The following PDSS2 variants were observed in gnomAD, a reference collection of about 807,000 sequenced individuals.
PDSS2 encodes the protein all trans-polyprenyl-diphosphate synthase PDSS2.
In PDSS2, 31 loss-of-function variants were observed where a neutral mutation model predicts 44.5. The observed-to-expected ratio is 0.70, with a 90% CI of 0.52 to 0.94. The LOEUF is 0.94. PDSS2 is among the 40% of genes least tolerant of loss of function. The pLI is 0.00. For missense variants in PDSS2, 452 were observed against 482.2 expected (o/e 0.94, Z 0.59); for synonymous variants, 157 against 180.3 (o/e 0.87, Z 1.03).
At chr6:107,317,717 A>G (rs1287564539) in intron 2 of PDSS2, among the ~76,000 whole-genome samples, 1 of 152,192 alleles carries the variant, frequency 6.6e-6, no homozygotes, top group Non-Finnish European at 1.5e-5. Flanking sequence ...TAACAATAAC[A>G]TGCAGATCAC....
intron 1 of PDSS2, among the ~76,000 whole-genome samples, chr6:107,447,872 T>C (rs893138782): frequency 2.0e-5 from 3 of 152,226 alleles, no homozygotes; most frequent in Non-Finnish European, 4.4e-5. Flanking sequence ...TGCCTGGACA[T>C]CCAGGAATTT....
intron 1 of PDSS2, among the ~76,000 whole-genome samples, chr6:107,417,778 T>TA (rs1780708084): frequency 6.8e-6 from 1 of 146,948 alleles, no homozygotes; most frequent in Admixed American, 6.8e-5. Context: ...TTAATAATAA[T>TA]ACACACACAC....
chr6:107,418,786 A>T (rs1780740463), intron 1 of PDSS2, among the ~76,000 whole-genome samples: 1 of 152,094 alleles, frequency 6.6e-6, no homozygotes, highest in Admixed American at 6.5e-5. Flanking sequence ...AAACAAACAA[A>T]CAAACAACAA....
intron 1 of PDSS2, among the ~76,000 whole-genome samples, chr6:107,415,111 A>T (rs1258141690): frequency 6.6e-6 from 1 of 152,146 alleles, no homozygotes. Flanking sequence ...AGGAATCTCC[A>T]ATGGAAGTAA....
At chr6:107,405,199 G>A (rs990434344) in intron 1 of PDSS2, among the ~76,000 whole-genome samples, 1 of 151,804 alleles carries the variant, frequency 6.6e-6, no homozygotes, top group Non-Finnish European at 1.5e-5. Context: ...AATTTCATAA[G>A]TGAAGGAGAA....
intron 1 of PDSS2, among the ~76,000 whole-genome samples, chr6:107,357,746 G>C (rs1046001492): frequency 1.3e-5 from 2 of 151,990 alleles, no homozygotes. Flanking sequence ...ATTTTTTACT[G>C]TTTCATCTAT....
rs1467113044 is a variant in PDSS2, at chr6:107,372,981, ATCTT to A, written c.297-38653_297-38650del. On this transcript the variant is annotated intron_variant, in intron 1 of 7. Transcript: ENST00000369037. The stretch of plus-strand genomic sequence containing the variant: ...TTATTTTTGCCTGACAAGTCTAATA[ATCTT>A]TTTTTTTTTTTTTTTTTAAGACAGA... Among the ~76,000 whole-genome samples the A allele has an allele frequency of 3.8e-5, 5 of 130,220 alleles. No individual in the cohort carries two copies. In the East Asian group the frequency reaches 1.2e-3, roughly 33 times the overall value. 85.4% of individuals were successfully genotyped at this position (130,220 alleles called of 152,430 possible).
chr6:107,213,210 C>T (rs1005190299), intron 4 of PDSS2, among the ~76,000 whole-genome samples: 3 of 151,856 alleles, frequency 2.0e-5, no homozygotes, highest in Non-Finnish European at 4.4e-5. Flanking sequence ...AGAGTTTCTC[C>T]ATGTTGGCCA....
At chr6:107,231,265 T>G (rs1430838131) in intron 4 of PDSS2, among the ~76,000 whole-genome samples, 1 of 152,164 alleles carries the variant, frequency 6.6e-6, no homozygotes, top group East Asian at 1.9e-4. Context: ...TTGGAGGGGC[T>G]TAGCATCAAA....
At chr6:107,199,488 T>TG (rs1291813106) in intron 6 of PDSS2, among the ~76,000 whole-genome samples, 1 of 152,160 alleles carries the variant, frequency 6.6e-6, no homozygotes, top group Non-Finnish European at 1.5e-5. Flanking sequence ...TTTATAGAGA[T>TG]GGGGTCTCAC....
chr6:107,235,262 C>T (rs930999441), intron 4 of PDSS2, among the ~76,000 whole-genome samples: 3 of 152,102 alleles, frequency 2.0e-5, no homozygotes, highest in Non-Finnish European at 2.9e-5. Flanking sequence ...ACAGATCCTC[C>T]CTAAAGTCTT....
chr6:107,225,161 A>ATATT (rs1562389443), intron 4 of PDSS2, among the ~76,000 whole-genome samples: 3 of 50,394 alleles, frequency 6.0e-5, no homozygotes, highest in Non-Finnish European at 6.6e-5. Context: ...ATATATATAT[A>ATATT]TTTTTTTTTT....
At chr6:107,164,555 C>A (rs1253994206) in intron 7 of PDSS2, among the ~76,000 whole-genome samples, 2 of 152,132 alleles carry the variant, frequency 1.3e-5, no homozygotes, top group African/African-American at 2.4e-5. Flanking sequence ...TTTTATCAAT[C>A]CAGTCTATCA....
chr6:107,395,104 T>C (rs1486679517), intron 1 of PDSS2, among the ~76,000 whole-genome samples: 1 of 152,182 alleles, frequency 6.6e-6, no homozygotes, highest in Non-Finnish European at 1.5e-5. Context: ...CTCAACACTT[T>C]AAAGATGTCA....
At chr6:107,239,251 T>G (rs1774333980) in intron 4 of PDSS2, among the ~76,000 whole-genome samples, 1 of 152,126 alleles carries the variant, frequency 6.6e-6, no homozygotes, top group African/African-American at 2.4e-5. Flanking sequence ...CACTCCAGCC[T>G]GGATGACAGA....
chr6:107,294,435 C>G (rs1776444750), intron 2 of PDSS2, among the ~76,000 whole-genome samples: 1 of 151,482 alleles, frequency 6.6e-6, no homozygotes, highest in Non-Finnish European at 1.5e-5. Flanking sequence ...TTTTTAGAGA[C>G]AGGGTCTTTC....
chr6:107,166,127 T>A (rs1554247480), intron 7 of PDSS2, among the ~76,000 whole-genome samples: 5 of 152,094 alleles, frequency 3.3e-5, no homozygotes, highest in Non-Finnish European at 5.9e-5. Flanking sequence ...ACAATTTGAC[T>A]TCCTCTTTTC....
chr6:107,252,394 C>T (rs932907814), intron 3 of PDSS2, among the ~76,000 whole-genome samples: 2 of 152,118 alleles, frequency 1.3e-5, no homozygotes, highest in Non-Finnish European at 2.9e-5. Context: ...ATGTGTAAGG[C>T]TTTGCTTATT....
At chr6:107,304,374 C>T (rs1206755055) in intron 2 of PDSS2, among the ~76,000 whole-genome samples, 4 of 152,204 alleles carry the variant, frequency 2.6e-5, no homozygotes, top group African/African-American at 9.7e-5. Flanking sequence ...CTGCATATTC[C>T]GCATGTACTC....
Sources: gnomAD v4.1 joint callset for allele counts (sites outside exome capture counted in the v4.1 genomes callset) on GRCh38, gnomAD v4.1.1 for gene constraint, MANE v1.5 for transcripts, NCBI Gene and HGNC (gene_info 2026-07-23, HGNC 2026-07-21) for gene names.